Variants in MEI4 observed in about 807,000 individuals in gnomAD.
The protein encoded by MEI4 is meiosis-specific protein MEI4.
MEI4 carries 27 observed loss-of-function variants against 31.4 expected under a neutral mutation model. That is an observed-to-expected ratio of 0.86 (90% CI 0.63 to 1.19). MEI4 has a LOEUF of 1.19. Ranked by LOEUF, MEI4 falls within the 50% of genes most tolerant of loss-of-function variation. The probability of loss-of-function intolerance (pLI) is 0.00; values close to 1 mark genes in which losing one functional copy is unlikely to be tolerated. For synonymous variants in MEI4, 122 were observed against 145.4 expected, an observed-to-expected ratio of 0.84 and a Z score of 1.16; for missense variants, 329 against 398.9, an observed-to-expected ratio of 0.82 and a Z score of 1.49.
At chr6:77,897,830 C>A (rs1407564978) in intron 4 of MEI4, among the ~76,000 whole-genome samples, 1 of 151,902 alleles carries the variant, frequency 6.6e-6, no homozygotes, top group African/African-American at 2.4e-5. Context: ...TCCCTTTGTA[C>A]CCTGCCTTAC....
At chr6:77,915,078 C>CAGGAA (rs1766514478) in intron 4 of MEI4, among the ~76,000 whole-genome samples, 1 of 151,972 alleles carries the variant, frequency 6.6e-6, no homozygotes, top group African/African-American at 2.4e-5. Flanking sequence ...TATGTGATGG[C>CAGGAA]TTATTCCTGC....
At chr6:77,782,725 G>A (rs144301223) in intron 3 of MEI4, among the ~76,000 whole-genome samples, 2 of 152,250 alleles carry the variant, frequency 1.3e-5, no homozygotes, top group Non-Finnish European at 2.9e-5. Context: ...CTTATATGTA[G>A]CTTTGATTGA....
intron 4 of MEI4, among the ~76,000 whole-genome samples, chr6:77,900,942 A>T (rs1226287182): frequency 6.6e-6 from 1 of 151,912 alleles, no homozygotes; most frequent in East Asian, 1.9e-4. Context: ...TAGTATCTAT[A>T]TATAAGTGAG....
At chr6:77,815,631 C>T (rs1769671520) in intron 3 of MEI4, among the ~76,000 whole-genome samples, 1 of 152,120 alleles carries the variant, frequency 6.6e-6, no homozygotes, top group Non-Finnish European at 1.5e-5. Context: ...CATATCTGAC[C>T]TTGCTAAGTA....
chr6:77,726,371 A>G (rs780743539), intron 2 of MEI4, among the ~76,000 whole-genome samples: 4 of 152,152 alleles, frequency 2.6e-5, no homozygotes, highest in African/African-American at 9.7e-5. Context: ...CCCACAGCAT[A>G]TATATGTGGA....
chr6:77,690,005 T>C (rs931006085), intron 1 of MEI4, among the ~76,000 whole-genome samples: 2 of 152,032 alleles, frequency 1.3e-5, no homozygotes, highest in Non-Finnish European at 2.9e-5. Context: ...TGTGACACAC[T>C]GTTGGTTTGG....
chr6:77,866,367 G>A (rs1386847975), intron 4 of MEI4, among the ~76,000 whole-genome samples: 1 of 152,098 alleles, frequency 6.6e-6, no homozygotes, highest in African/African-American at 2.4e-5. Flanking sequence ...AAGCTGATAG[G>A]CAACTTCAGC....
chr6:77,758,155 CAAAAA>C lies in MEI4; in HGVS notation c.233-2961_233-2957del, dbSNP rs58249702. 3.5e-5 allele frequency among the ~76,000 whole-genome samples: 4 copies of C among 115,806 alleles called. No individual in the cohort carries two copies. The East Asian group carries it at 7.8e-4, about 23-fold the overall frequency. 76.0% of individuals were successfully genotyped at this position (115,806 alleles called of 152,430 possible). On this transcript the variant is annotated intron_variant, in intron 2 of 4. Coordinates refer to ENST00000684080, the MANE Select transcript of MEI4 (RefSeq NM_001322247.2). ...GGTGACAGAGCAAGACTCCATCTCA[CAAAAA>C]AAAAAAAAAAAAAGAAAGAAAGAAA...
intron 2 of MEI4, among the ~76,000 whole-genome samples, chr6:77,701,960 A>T (rs892209545): frequency 1.1e-4 from 17 of 152,120 alleles, no homozygotes; most frequent in South Asian, 2.1e-4. Context: ...CACATTGCTC[A>T]GGTTGGTCCC....
intron 2 of MEI4, among the ~76,000 whole-genome samples, chr6:77,744,978 A>C (rs1288118821): frequency 6.6e-6 from 1 of 152,232 alleles, no homozygotes; most frequent in African/African-American, 2.4e-5. Flanking sequence ...AGCACTAAAC[A>C]TGGAAAGGAA....
intron 3 of MEI4, among the ~76,000 whole-genome samples, chr6:77,772,460 C>CA (rs1204956208): frequency 1.3e-5 from 2 of 151,742 alleles, no homozygotes; most frequent in Admixed American, 6.6e-5. Context: ...GAATGAATGA[C>CA]AAAAAACATG....
intron 4 of MEI4, among the ~76,000 whole-genome samples, chr6:77,854,828 G>A (rs1273548902): frequency 6.6e-6 from 1 of 152,030 alleles, no homozygotes; most frequent in Non-Finnish European, 1.5e-5. Flanking sequence ...GTCTGGTATA[G>A]GTATCATTTC....
chr6:77,787,898 G>C (rs974600068), intron 3 of MEI4, among the ~76,000 whole-genome samples: 1 of 152,172 alleles, frequency 6.6e-6, no homozygotes, highest in South Asian at 2.1e-4. Context: ...TGTGCTGTTG[G>C]ATTTGGTTTG....
intron 2 of MEI4, among the ~76,000 whole-genome samples, chr6:77,752,612 C>T (rs1376507904): frequency 2.0e-5 from 3 of 152,060 alleles, no homozygotes; most frequent in African/African-American, 7.2e-5. Context: ...TAAGAGAAGA[C>T]ACAAACAAAT....
chr6:77,786,826 CTAAAAA>C (rs1768748827), intron 3 of MEI4, among the ~76,000 whole-genome samples: 1 of 151,448 alleles, frequency 6.6e-6, no homozygotes, highest in Non-Finnish European at 1.5e-5. Flanking sequence ...AAGAATAAGA[CTAAAAA>C]TAAAAATAAT....
At chr6:77,662,748 T>A (rs918082029) in intron 1 of MEI4, among the ~76,000 whole-genome samples, 1 of 152,108 alleles carries the variant, frequency 6.6e-6, no homozygotes, top group African/African-American at 2.4e-5. Flanking sequence ...ATGCTAACCA[T>A]GCCTAGGAAG....
chr6:77,892,668 A>G (rs952692236), intron 4 of MEI4, among the ~76,000 whole-genome samples: 2 of 152,112 alleles, frequency 1.3e-5, no homozygotes, highest in Admixed American at 6.6e-5. Context: ...AGGCTATAGG[A>G]CACTGCATGG....
intron 1 of MEI4, among the ~76,000 whole-genome samples, chr6:77,686,871 GGC>G: frequency 1.4e-5 from 1 of 72,124 alleles, no homozygotes; most frequent in Non-Finnish European, 3.9e-5. Flanking sequence ...AATGGTCTGT[GGC>G]TCTTTTTTTT....
Position 77,905,459 on chromosome 6 carries a change from T to C in MEI4, c.901-17630T>C, listed in dbSNP as rs1186890853. 4.7e-5 allele frequency among the ~76,000 whole-genome samples: 7 copies of C among 150,184 alleles called. No individual in the cohort carries two copies. In the Admixed American group the frequency reaches 4.7e-4, roughly 10 times the overall value. ...CAGAAAATTTATATCTTTCTATAGATTGTATAAATTTTCAGCTTTTTTTTT... is the reference window on the plus strand; with the variant it reads ...CAGAAAATTTATATCTTTCTATAGACTGTATAAATTTTCAGCTTTTTTTTT... On this transcript the variant is annotated intron_variant, in intron 4 of 4. Coordinates refer to ENST00000684080, the MANE Select transcript of MEI4 (RefSeq NM_001322247.2).
Sources: gnomAD v4.1 joint callset for allele counts (sites outside exome capture counted in the v4.1 genomes callset) on GRCh38, gnomAD v4.1.1 for gene constraint, MANE v1.5 for transcripts, NCBI Gene and HGNC (gene_info 2026-07-23, HGNC 2026-07-21) for gene names.